The following PLEKHA2 variants were observed in gnomAD, a reference collection of about 807,000 sequenced individuals.
PLEKHA2 encodes the protein pleckstrin homology domain-containing family A member 2.
Under a neutral mutation model 53.2 loss-of-function variants are expected in PLEKHA2, and 28 were observed. The observed-to-expected ratio is 0.53, with a 90% CI of 0.39 to 0.72. The LOEUF (loss-of-function observed/expected upper bound fraction) is 0.72, where lower values mean the gene tolerates loss of function less well. Among genes scored for constraint, PLEKHA2 ranks in the 30% least tolerant of loss-of-function variants. PLEKHA2 has a pLI of 0.00. For missense variants in PLEKHA2, 426 were observed against 537.9 expected (o/e 0.79, Z 2.06); for synonymous variants, 193 against 196.4 (o/e 0.98, Z 0.14).
chr8:38,958,651 T>G (rs2129423597), intron 10 of PLEKHA2, among the ~76,000 whole-genome samples: 1 of 152,214 alleles, frequency 6.6e-6, no homozygotes, highest in Middle Eastern at 3.4e-3. Flanking sequence ...ACTGGAGCTG[T>G]GGAAAGGGCT....
chr8:38,952,331 G>A lies in PLEKHA2; in HGVS notation c.633+19G>A, dbSNP rs778329476. 2 of 1,609,300 alleles carry A rather than the reference G, an allele frequency of 1.2e-6. No individual in the cohort carries two copies. The highest frequency in any genetic ancestry group is 2.7e-5 in the African/African-American group (2 of 74,884). ...GAATGTGGTGAGTGTCAGCACAGGG[G>A]CTGAATTGGGGTTCTGGTGACTCCT... On this transcript the variant is annotated intron_variant, in intron 7 of 11. Transcript: ENST00000617275.
chr8:38,936,843 G>A (rs890788991), intron 3 of PLEKHA2, among the ~76,000 whole-genome samples: 1 of 152,250 alleles, frequency 6.6e-6, no homozygotes, highest in Non-Finnish European at 1.5e-5. Flanking sequence ...AGTGAGGAGA[G>A]CCAGGTGGCA....
chr8:38,950,892 AAG>A lies in PLEKHA2; in HGVS notation c.391_392del (p.Ser131LeufsTer41). Reference protein sequence around the residue: ...GGLPMTTEVLKSLAAPPALEK... With the variant: ...GGLPMTTEVLXSLAAPPALEK... ...CCTACCCATGACCACTGAAGTTCTC[AAG>A]AGCTTAGCAGCTCCTCCAGCCCTGG... On this transcript the variant is annotated frameshift_variant, in exon 6 of 12. Transcript: ENST00000617275. LOFTEE classifies it high-confidence loss of function. The A allele has an allele frequency of 6.2e-7, 1 of 1,613,994 alleles. No individual in the cohort carries two copies. The highest frequency in any genetic ancestry group is 8.5e-7 in the Non-Finnish European group (1 of 1,179,872).
At chr8:38,903,045 A>C (rs2152362724) in intron 1 of PLEKHA2, among the ~76,000 whole-genome samples, 1 of 152,366 alleles carries the variant, frequency 6.6e-6, no homozygotes, top group Non-Finnish European at 1.5e-5. Context: ...TGCTAAGTAA[A>C]TGTTTATTGC....
chr8:38,964,916 G>A (rs888051935), intron 10 of PLEKHA2, among the ~76,000 whole-genome samples: 1 of 104,252 alleles, frequency 9.6e-6, no homozygotes, highest in African/African-American at 3.7e-5. Flanking sequence ...TTGCTCTGTT[G>A]CCCATGCTGG....
intron 2 of PLEKHA2, among the ~76,000 whole-genome samples, chr8:38,921,435 G>A (rs1300403709): frequency 2.6e-5 from 4 of 152,252 alleles, no homozygotes; most frequent in Non-Finnish European, 5.9e-5. Flanking sequence ...CTGGGTCACA[G>A]ACTGAGAGTT....
intron 10 of PLEKHA2, among the ~76,000 whole-genome samples, chr8:38,961,489 A>G (rs567999892): frequency 6.6e-6 from 1 of 151,758 alleles, no homozygotes; most frequent in African/African-American, 2.4e-5. Context: ...GTGAGCCGAG[A>G]TCACACCACT....
At chr8:38,942,236 TAA>T (rs371436045) in intron 3 of PLEKHA2, among the ~76,000 whole-genome samples, 2 of 147,874 alleles carry the variant, frequency 1.4e-5, no homozygotes, top group Admixed American at 6.8e-5. Context: ...ACCCCATCTC[TAA>T]AAAAAAAATG....
At chr8:38,923,903 G>A (rs1834236731) in intron 2 of PLEKHA2, among the ~76,000 whole-genome samples, 1 of 152,082 alleles carries the variant, frequency 6.6e-6, no homozygotes, top group African/African-American at 2.4e-5. Flanking sequence ...CGAGGATCCA[G>A]TGCAGTGGCG....
chr8:38,964,660 G>A lies in PLEKHA2; in HGVS notation c.838-3932G>A, dbSNP rs145298245. 2.6e-4 allele frequency among the ~76,000 whole-genome samples: 40 copies of A among 151,858 alleles called. 1 individual carries two copies. Among genetic ancestry groups the A allele is most frequent in the African/African-American group, 9.7e-4 (40 of 41,412 alleles). On this transcript the variant is annotated intron_variant, in intron 10 of 11. Transcript: ENST00000617275. ...ATATCTACTTGGATCCCCTGAAAATGCTTACAAAGACGTCTGGTAACATGG... is the reference window on the plus strand; with the variant it reads ...ATATCTACTTGGATCCCCTGAAAATACTTACAAAGACGTCTGGTAACATGG...
At chr8:38,912,384 T>C (rs1833967024) in intron 1 of PLEKHA2, among the ~76,000 whole-genome samples, 1 of 152,216 alleles carries the variant, frequency 6.6e-6, no homozygotes, top group Non-Finnish European at 1.5e-5. Context: ...ATTTTGAAGC[T>C]TTGCCTTGGT....
In PLEKHA2 at chr8:38,922,830, T is replaced by C. The variant is rs1390828404; in HGVS notation, c.141+4760T>C. Among the ~76,000 whole-genome samples, 1 of 152,228 alleles carries C rather than the reference T, an allele frequency of 6.6e-6. No homozygotes were observed. Among genetic ancestry groups the C allele is most frequent in the East Asian group, 1.9e-4 (1 of 5,198 alleles). On this transcript the variant is annotated intron_variant, in intron 2 of 11. Transcript: ENST00000617275. This position sits in a 1 kb window ranked among gnomAD's most constrained non-coding sequence, Gnocchi z 4.0. ...GGAACCTCTCCATAATCCTGGGGCC[T>C]AGGGTCTGTTGTTACTCTTTGCTCA...
At chr8:38,934,677 GC>G (rs961542273) in intron 2 of PLEKHA2, among the ~76,000 whole-genome samples, 1 of 152,148 alleles carries the variant, frequency 6.6e-6, no homozygotes, top group African/African-American at 2.4e-5. Context: ...AAGATGGTGT[GC>G]CAGGGTAGAG....
At chr8:38,908,587 T>C (rs952173036) in intron 1 of PLEKHA2, among the ~76,000 whole-genome samples, 4 of 152,202 alleles carry the variant, frequency 2.6e-5, no homozygotes, top group Admixed American at 2.6e-4. Context: ...TGGAAAAATA[T>C]GTACAAGTAA....
intron 3 of PLEKHA2, among the ~76,000 whole-genome samples, chr8:38,942,539 T>A (rs1588259958): frequency 6.6e-6 from 1 of 152,104 alleles, no homozygotes; most frequent in East Asian, 1.9e-4. Flanking sequence ...TACCCTTGGC[T>A]GGAGGGGGAT....
In PLEKHA2 at chr8:38,953,482, A is replaced by T. The variant is rs1834883802; in HGVS notation, c.773+115A>T. 2.8e-6 allele frequency: 3 copies of T among 1,079,700 alleles called. No homozygotes were observed. In the South Asian group the frequency reaches 4.1e-5, roughly 15 times the overall value. 66.9% of individuals were successfully genotyped at this position (1,079,700 alleles called of 1,614,324 possible). On this transcript the variant is annotated intron_variant, in intron 9 of 11. Coordinates refer to ENST00000617275, the MANE Select transcript of PLEKHA2 (RefSeq NM_021623.2). ...AGTCATCTTCTTCCAAGAGCCAGGC[A>T]CAGGAGCCTAACACCTTGTGGCTGA... is the stretch of plus-strand genomic sequence containing the variant.
chr8:38,920,762 C>T (rs1400302702), intron 2 of PLEKHA2, among the ~76,000 whole-genome samples: 1 of 151,638 alleles, frequency 6.6e-6, no homozygotes. Context: ...GAGGGTCTCA[C>T]TTTGTTGACC....
intron 2 of PLEKHA2, among the ~76,000 whole-genome samples, chr8:38,920,913 G>C (rs1834179431): frequency 6.6e-6 from 1 of 151,770 alleles, no homozygotes; most frequent in African/African-American, 2.4e-5. Context: ...CGATTCTCCT[G>C]TCTCAGCCTC....
At chr8:38,966,643 G>A (rs757507616) in intron 10 of PLEKHA2, among the ~76,000 whole-genome samples, 1 of 152,136 alleles carries the variant, frequency 6.6e-6, no homozygotes, top group Non-Finnish European at 1.5e-5. Context: ...TCATAGAGCC[G>A]CTGCTGCCCC....
Sources: gnomAD v4.1 joint callset for allele counts (sites outside exome capture counted in the v4.1 genomes callset) on GRCh38, gnomAD v4.1.1 for gene constraint, Gnocchi (gnomAD v3.1) non-coding constraint, MANE v1.5 for transcripts, NCBI Gene and HGNC (gene_info 2026-07-23, HGNC 2026-07-21) for gene names.